ATP8A2: variants seen among roughly 807,000 people sequenced by gnomAD.
ATP8A2 encodes ATPase phospholipid transporting 8A2.
In ATP8A2, 100 loss-of-function variants were observed where a neutral mutation model predicts 165.6. The ratio of observed to expected loss-of-function variants is 0.60; its 90% confidence interval spans 0.51 to 0.71. ATP8A2 has a LOEUF of 0.71. Among genes scored for constraint, ATP8A2 ranks in the 30% least tolerant of loss-of-function variants. The pLI is 0.00. For missense variants in ATP8A2, 1,227 were observed against 1,479.5 expected (o/e 0.83, Z 2.80); for synonymous variants, 543 against 548.8 (o/e 0.99, Z 0.15).
chr13:25,724,913 G>T (rs1412185301), intron 25 of ATP8A2, among the ~76,000 whole-genome samples: 1 of 152,112 alleles, frequency 6.6e-6, no homozygotes, highest in Non-Finnish European at 1.5e-5. Flanking sequence ...CCGGTTCCTA[G>T]GTGTCTTCAA....
intron 25 of ATP8A2, among the ~76,000 whole-genome samples, chr13:25,729,381 G>A (rs2043565606): frequency 6.6e-6 from 1 of 152,190 alleles, no homozygotes; most frequent in African/African-American, 2.4e-5. Context: ...CCTGAGGCAT[G>A]GCCAGGCCAG....
intron 1 of ATP8A2, among the ~76,000 whole-genome samples, chr13:25,451,674 T>C (rs1320436080): frequency 6.6e-6 from 1 of 152,110 alleles, no homozygotes; most frequent in Non-Finnish European, 1.5e-5. Flanking sequence ...ACAGTACAGG[T>C]TGAGGGAGTC....
chr13:25,701,316 A>T (rs1199373399), intron 25 of ATP8A2, among the ~76,000 whole-genome samples: 2 of 152,142 alleles, frequency 1.3e-5, no homozygotes, highest in African/African-American at 4.8e-5. Context: ...GGCTATGCAA[A>T]TGGAAAACAG....
intron 36 of ATP8A2, among the ~76,000 whole-genome samples, chr13:26,014,890 G>A (rs981173110): frequency 6.6e-6 from 1 of 152,128 alleles, no homozygotes; most frequent in African/African-American, 2.4e-5. Flanking sequence ...CTTCATGACA[G>A]CATGTGTAAA....
chr13:25,755,964 A>T (rs2044252681), intron 25 of ATP8A2, among the ~76,000 whole-genome samples: 1 of 152,160 alleles, frequency 6.6e-6, no homozygotes, highest in Non-Finnish European at 1.5e-5. Context: ...GGGAAGGGAG[A>T]TAAATTCAAA....
At chr13:25,955,384 C>T (rs555145468) in intron 33 of ATP8A2, among the ~76,000 whole-genome samples, 1 of 151,896 alleles carries the variant, frequency 6.6e-6, no homozygotes, top group Non-Finnish European at 1.5e-5. Flanking sequence ...GCTAGCCAGA[C>T]TATTAAAGAA....
In ATP8A2 at chr13:25,417,566, A is replaced by G. The variant is rs188489722; in HGVS notation, c.76+45278A>G. Among the ~76,000 whole-genome samples, 36 of 152,380 alleles carry G rather than the reference A, an allele frequency of 2.4e-4. No homozygotes were observed. The East Asian group carries it at 6.2e-3, about 26-fold the overall frequency. ...TTAACACTCCAAATTTGATAATTCT[A>G]TAGCCCAATTGTTCAATTTAGACTT... On this transcript the variant is annotated intron_variant, in intron 1 of 36. Coordinates refer to ENST00000381655, the MANE Select transcript of ATP8A2 (RefSeq NM_016529.6).
rs73155919 is a variant in ATP8A2, at chr13:25,855,981, A to G, written c.2957-4214A>G. Among the ~76,000 whole-genome samples, 1,462 of 152,178 alleles carry G rather than the reference A, an allele frequency of 9.6e-3. 13 individuals carry two copies. Among genetic ancestry groups the G allele is most frequent in the Non-Finnish European group, 0.015 (1,005 of 67,988 alleles). On this transcript the variant is annotated intron_variant, in intron 30 of 36. Transcript: ENST00000381655. The stretch of plus-strand genomic sequence containing the variant: ...AACTGTCTATTCAGATCCTTTGCCT[A>G]TTTTTAAATTTTTTGGGTGGCCTTT...
chr13:26,004,470 C>A (rs1314373507), intron 35 of ATP8A2, among the ~76,000 whole-genome samples: 1 of 151,932 alleles, frequency 6.6e-6, no homozygotes, highest in Non-Finnish European at 1.5e-5. Context: ...GATAATTTTG[C>A]TTTTTTCTTT....
chr13:25,952,419 C>A (rs546678008), intron 33 of ATP8A2, among the ~76,000 whole-genome samples: 1 of 150,728 alleles, frequency 6.6e-6, no homozygotes, highest in Non-Finnish European at 1.5e-5. Flanking sequence ...GTCACTCTGT[C>A]ACCTAAACTG....
At chr13:25,890,072 G>A (rs1010045302) in intron 33 of ATP8A2, among the ~76,000 whole-genome samples, 3 of 152,066 alleles carry the variant, frequency 2.0e-5, no homozygotes, top group Non-Finnish European at 4.4e-5. Context: ...TGAGGTAGGA[G>A]AATCACTTGA....
chr13:25,379,113 A>G (rs1215296575), intron 1 of ATP8A2, among the ~76,000 whole-genome samples: 3 of 152,168 alleles, frequency 2.0e-5, no homozygotes, highest in Non-Finnish European at 4.4e-5. Flanking sequence ...TTTGATTCAG[A>G]GGTTTTGCAT....
chr13:25,603,922 A>G (rs1448308269), intron 24 of ATP8A2, among the ~76,000 whole-genome samples: 1 of 152,100 alleles, frequency 6.6e-6, no homozygotes, highest in African/African-American at 2.4e-5. Flanking sequence ...GGAAAGGTCT[A>G]TTATGGAGAA....
chr13:25,541,229 C>T (rs1205909423), intron 8 of ATP8A2, among the ~76,000 whole-genome samples: 1 of 152,136 alleles, frequency 6.6e-6, no homozygotes, highest in Non-Finnish European at 1.5e-5. Flanking sequence ...AAAACTTTTG[C>T]TGCTTAAAGT....
intron 33 of ATP8A2, among the ~76,000 whole-genome samples, chr13:25,950,172 G>A (rs987018086): frequency 2.6e-5 from 4 of 152,116 alleles, no homozygotes; most frequent in Non-Finnish European, 4.4e-5. Context: ...AATAAAAGTC[G>A]CGTATCTCAG....
Position 26,000,372 on chromosome 13 carries a change from G to A in ATP8A2, c.3378-12159G>A, listed in dbSNP as rs529277762. Among the ~76,000 whole-genome samples, 3 of 152,266 alleles carry A rather than the reference G, an allele frequency of 2.0e-5. No individual in the cohort carries two copies. In the South Asian group the frequency reaches 6.2e-4, roughly 32 times the overall value. ...TATTTGCTGTGTACTCCACACTCCC[G>A]CTCTTTGGCAGTTATGCATGTGTGA... On this transcript the variant is annotated intron_variant, in intron 35 of 36. Transcript: ENST00000381655.
chr13:25,691,381 G>A (rs2042721846), intron 24 of ATP8A2, among the ~76,000 whole-genome samples: 1 of 152,358 alleles, frequency 6.6e-6, no homozygotes, highest in African/African-American at 2.4e-5. Context: ...GAGTATTTCT[G>A]TAGAGGCTTA....
chr13:25,946,112 T>C (rs563025563), intron 33 of ATP8A2, among the ~76,000 whole-genome samples: 2 of 152,174 alleles, frequency 1.3e-5, no homozygotes, highest in African/African-American at 2.4e-5. Context: ...TTAATTAACC[T>C]TTTGAGTGTC....
intron 2 of ATP8A2, among the ~76,000 whole-genome samples, chr13:25,514,647 C>T (rs980072749): frequency 1.3e-5 from 2 of 152,182 alleles, no homozygotes; most frequent in East Asian, 1.9e-4. Flanking sequence ...TCTTTTGCTT[C>T]GAACTCTTTA....
Sources: gnomAD v4.1 joint callset for allele counts (sites outside exome capture counted in the v4.1 genomes callset) on GRCh38, gnomAD v4.1.1 for gene constraint, MANE v1.5 for transcripts, NCBI Gene and HGNC (gene_info 2026-07-23, HGNC 2026-07-21) for gene names.